The following L3MBTL4 variants were observed in gnomAD, a reference collection of about 807,000 sequenced individuals.
The protein encoded by L3MBTL4 is lethal(3)malignant brain tumor-like protein 4.
Under a neutral mutation model 84.5 loss-of-function variants are expected in L3MBTL4, and 70 were observed. The ratio of observed to expected loss-of-function variants is 0.83; its 90% CI spans 0.68 to 1.01. The LOEUF is 1.01. L3MBTL4 is among the 50% of genes least tolerant of loss of function. The probability of loss-of-function intolerance (pLI) is 0.00; values close to 1 mark genes in which losing one functional copy is unlikely to be tolerated. For synonymous variants in L3MBTL4, 274 were observed against 259.8 expected (o/e 1.05, Z -0.52); for missense variants, 715 against 754.8 (o/e 0.95, Z 0.62).
At chr18:5,990,770 GGTGTGTGTGTGTGT>G (rs34551806) in intron 16 of L3MBTL4, among the ~76,000 whole-genome samples, 8 of 142,364 alleles carry the variant, frequency 5.6e-5, no homozygotes, top group African/African-American at 1.3e-4. Flanking sequence ...GGTTCATGTG[GGTGTGTGTGTGTGT>G]GTGTGTGTGT....
rs113566635 is a variant in L3MBTL4, at chr18:6,144,035, A to C, written c.1097-5739T>G. Among the ~76,000 whole-genome samples, 981 of 152,116 alleles carry C rather than the reference A, an allele frequency of 6.4e-3. 13 individuals are homozygous for C. The highest frequency in any genetic ancestry group is 0.023 in the African/African-American group (950 of 41,496). On this transcript the variant is annotated intron_variant, in intron 13 of 18. Coordinates refer to ENST00000317931, the MANE Select transcript of L3MBTL4 (RefSeq NM_001330559.2). ...ACACGGTGAAACCCCGTCTCTACTA[A>C]AAATACAAAGAATTGGCTGGGCATG...
intron 4 of L3MBTL4, among the ~76,000 whole-genome samples, chr18:6,290,882 T>C (rs539510181): frequency 7.9e-5 from 12 of 152,244 alleles, no homozygotes; most frequent in African/African-American, 2.9e-4. Context: ...AAGTTCTAGG[T>C]TCATCCCATC....
At chr18:6,292,858 C>T (rs1276126863) in intron 4 of L3MBTL4, among the ~76,000 whole-genome samples, 1 of 152,184 alleles carries the variant, frequency 6.6e-6, no homozygotes, top group Non-Finnish European at 1.5e-5. Context: ...TTAATGGCTA[C>T]TGAAACCACC....
chr18:6,069,837 T>A (rs1161888397), intron 16 of L3MBTL4, among the ~76,000 whole-genome samples: 1 of 152,122 alleles, frequency 6.6e-6, no homozygotes, highest in Non-Finnish European at 1.5e-5. Flanking sequence ...GATGGCAAGA[T>A]AGAGAATTTT....
At chr18:6,392,020 C>A (rs72879927) in intron 1 of L3MBTL4, among the ~76,000 whole-genome samples, 1 of 151,946 alleles carries the variant, frequency 6.6e-6, no homozygotes, top group Non-Finnish European at 1.5e-5. Flanking sequence ...GCATGTGGAA[C>A]CAAAAAGGAG....
At chr18:6,319,462 C>G (rs2051291680) in intron 1 of L3MBTL4, among the ~76,000 whole-genome samples, 1 of 152,066 alleles carries the variant, frequency 6.6e-6, no homozygotes, top group Non-Finnish European at 1.5e-5. Flanking sequence ...ACGACCAAAA[C>G]CATAGAAATA....
At chr18:6,209,936 G>C (rs1156582046) in intron 12 of L3MBTL4, among the ~76,000 whole-genome samples, 2 of 152,160 alleles carry the variant, frequency 1.3e-5, no homozygotes, top group Non-Finnish European at 1.5e-5. Flanking sequence ...GCCCAGACTA[G>C]ACAAATCCAT....
intron 16 of L3MBTL4, among the ~76,000 whole-genome samples, chr18:5,973,173 T>A (rs747771852): frequency 3.9e-5 from 6 of 152,230 alleles, no homozygotes; most frequent in Non-Finnish European, 7.3e-5. Context: ...TCACAAAATG[T>A]GAAATCCGGA....
chr18:6,082,501 G>C (rs1386717227), intron 15 of L3MBTL4: 1 of 152,028 alleles, frequency 6.6e-6, no homozygotes, highest in East Asian at 1.9e-4. Context: ...TTTGGGGCGG[G>C]GGAAAGAACA....
In L3MBTL4 at chr18:6,122,888, A is replaced by G. The variant is rs1358218972; in HGVS notation, c.1199+15306T>C. On this transcript the variant is annotated intron_variant, in intron 14 of 18. Transcript: ENST00000317931. ...AGAAAGTGACAAACTTCCTAAACTTAGGAATGTTATTTCTTAGAAAAAATA... is the reference window on the plus strand; with the variant it reads ...AGAAAGTGACAAACTTCCTAAACTTGGGAATGTTATTTCTTAGAAAAAATA... 2.0e-5 allele frequency among the ~76,000 whole-genome samples: 3 copies of G among 152,244 alleles called. No homozygotes were observed. In the East Asian group the frequency reaches 5.8e-4, roughly 29 times the overall value.
chr18:5,980,303 C>T (rs1223817929), intron 16 of L3MBTL4, among the ~76,000 whole-genome samples: 1 of 152,212 alleles, frequency 6.6e-6, no homozygotes, highest in African/African-American at 2.4e-5. Flanking sequence ...TCATCCCACC[C>T]ACTCTGGGAG....
At chr18:5,970,689 G>A (rs1006332636) in intron 16 of L3MBTL4, among the ~76,000 whole-genome samples, 1 of 152,218 alleles carries the variant, frequency 6.6e-6, no homozygotes, top group Non-Finnish European at 1.5e-5. Flanking sequence ...CAAAGAGAAG[G>A]TTAAATAAGC....
At chr18:6,114,999 A>T (rs536091552) in intron 14 of L3MBTL4, among the ~76,000 whole-genome samples, 1 of 152,180 alleles carries the variant, frequency 6.6e-6, no homozygotes, top group Non-Finnish European at 1.5e-5. Context: ...TGATGTGTAC[A>T]TTGTATTATA....
At chr18:6,370,719 C>T (rs1479108145) in intron 1 of L3MBTL4, among the ~76,000 whole-genome samples, 1 of 152,136 alleles carries the variant, frequency 6.6e-6, no homozygotes, top group Non-Finnish European at 1.5e-5. Context: ...GGGAGGTAGA[C>T]GCAGCTGCTC....
At chr18:6,406,551 G>A (rs918831207) in intron 1 of L3MBTL4, among the ~76,000 whole-genome samples, 4 of 152,068 alleles carry the variant, frequency 2.6e-5, no homozygotes, top group African/African-American at 4.8e-5. Flanking sequence ...TCAGGACTTC[G>A]GGTGATTTTA....
At chr18:6,221,912 A>T (rs2046571659) in intron 10 of L3MBTL4, among the ~76,000 whole-genome samples, 1 of 152,212 alleles carries the variant, frequency 6.6e-6, no homozygotes, top group South Asian at 2.1e-4. Flanking sequence ...TAGGTTCTGC[A>T]CATACAGAAG....
At chr18:5,994,137 T>C (rs755074594) in intron 16 of L3MBTL4, among the ~76,000 whole-genome samples, 13 of 152,160 alleles carry the variant, frequency 8.5e-5, no homozygotes, top group Non-Finnish European at 4.4e-5. Context: ...GGCATGCAGG[T>C]ACTTCCTCTG....
At chr18:6,295,342 CTCTCTATA>C (rs1402089171) in intron 4 of L3MBTL4, among the ~76,000 whole-genome samples, 303 of 117,050 alleles carry the variant, frequency 2.6e-3, no homozygotes, top group African/African-American at 0.012. Context: ...CTCTCTCTCT[CTCTCTATA>C]TATATATATA....
intron 16 of L3MBTL4, chr18:6,029,956 A>T (rs373164711): frequency 3.0e-6 from 3 of 985,488 alleles, no homozygotes; most frequent in African/African-American, 3.5e-5. Context: ...CACCTACAGA[A>T]GACACTTTGA....
Sources: gnomAD v4.1 joint callset for allele counts (sites outside exome capture counted in the v4.1 genomes callset) on GRCh38, gnomAD v4.1.1 for gene constraint, MANE v1.5 for transcripts, NCBI Gene and HGNC (gene_info 2026-07-23, HGNC 2026-07-21) for gene names.